PSTPIP2: variants seen among roughly 807,000 people sequenced by gnomAD.
PSTPIP2 encodes the protein proline-serine-threonine phosphatase interacting protein 2.
A neutral mutation model predicts 63.3 loss-of-function variants in PSTPIP2; 33 were observed. The observed-to-expected ratio is 0.52, with a 90% CI of 0.40 to 0.70. The LOEUF (loss-of-function observed/expected upper bound fraction) is 0.70, where lower values mean the gene tolerates loss of function less well. PSTPIP2 is among the 30% of genes least tolerant of loss of function. The pLI, the probability that PSTPIP2 is intolerant of heterozygous loss-of-function variation, is 0.00. For missense variants in PSTPIP2, 312 were observed against 400.7 expected (o/e 0.78, Z 1.89); for synonymous variants, 125 against 132.7 (o/e 0.94, Z 0.40).
intron 3 of PSTPIP2, among the ~76,000 whole-genome samples, chr18:46,017,357 T>G (rs1251548719): frequency 1.3e-5 from 2 of 152,216 alleles, no homozygotes; most frequent in African/African-American, 4.8e-5. Flanking sequence ...TCAGTTTGAC[T>G]ATTCTTGTGT....
At chr18:46,052,403 A>T (rs548503714) in intron 1 of PSTPIP2, among the ~76,000 whole-genome samples, 1 of 152,312 alleles carries the variant, frequency 6.6e-6, no homozygotes. Flanking sequence ...CCAGATAAGC[A>T]AAGTACAACA....
chr18:46,061,407 A>C (rs773905710), intron 1 of PSTPIP2, among the ~76,000 whole-genome samples: 7 of 152,150 alleles, frequency 4.6e-5, no homozygotes, highest in Non-Finnish European at 7.4e-5. Flanking sequence ...GATGAGATGG[A>C]GATTCGGAGG....
chr18:46,035,946 G>C (rs189919503), intron 2 of PSTPIP2, among the ~76,000 whole-genome samples: 69 of 152,252 alleles, frequency 4.5e-4, no homozygotes, highest in African/African-American at 1.7e-3. Flanking sequence ...TAGCTATTCA[G>C]ATGTTGGCTG....
intron 2 of PSTPIP2, among the ~76,000 whole-genome samples, chr18:46,032,813 C>G (rs1907832629): frequency 6.9e-6 from 1 of 145,672 alleles, no homozygotes; most frequent in African/African-American, 2.5e-5. Flanking sequence ...AGAAAAACAA[C>G]CCATGACAAA....
intron 5 of PSTPIP2, chr18:46,010,969 C>T: frequency 2.0e-6 from 1 of 506,982 alleles, no homozygotes; most frequent in Non-Finnish European, 3.5e-6. Flanking sequence ...ACCTCTGAAT[C>T]CTATGTGAAC....
intron 7 of PSTPIP2, 39 bp downstream of exon 7, chr18:45,999,397 C>A: frequency 6.3e-7 from 1 of 1,582,232 alleles, no homozygotes; most frequent in South Asian, 1.1e-5. Flanking sequence ...TGACATAGGT[C>A]AGTCTCAGAT....
chr18:46,035,768 C>T (rs902560004), intron 2 of PSTPIP2, among the ~76,000 whole-genome samples: 2 of 152,166 alleles, frequency 1.3e-5, no homozygotes, highest in African/African-American at 4.8e-5. Context: ...ATGAGACCCC[C>T]ATCCTCACCA....
In PSTPIP2 at chr18:46,005,151, C is replaced by T. The variant is rs564846414; in HGVS notation, c.417+318G>A. Reference sequence around the variant, plus strand: ...ACATGTTCTCACTTATAAGTGGGAGCTAAATGATAAGAACTTATGAATATA... The same window carrying T: ...ACATGTTCTCACTTATAAGTGGGAGTTAAATGATAAGAACTTATGAATATA... On this transcript the variant is annotated intron_variant, in intron 6 of 14. Transcript: ENST00000409746. 3.9e-5 allele frequency among the ~76,000 whole-genome samples: 6 copies of T among 152,018 alleles called. No homozygotes were observed. In the South Asian group the frequency reaches 1.2e-3, roughly 32 times the overall value.
chr18:46,067,933 T>C (rs1909252584), intron 1 of PSTPIP2, among the ~76,000 whole-genome samples: 1 of 152,158 alleles, frequency 6.6e-6, no homozygotes, highest in South Asian at 2.1e-4. Flanking sequence ...ATCTAAACAT[T>C]GTACAAAATA....
chr18:46,029,971 A>G (rs2144101748), intron 2 of PSTPIP2: 1 of 226,892 alleles, frequency 4.4e-6, no homozygotes, highest in Non-Finnish European at 8.8e-6. Flanking sequence ...AAAATTGGCC[A>G]GGTGTGGTGG....
At chr18:46,030,537 C>A (rs1216797142) in intron 2 of PSTPIP2, among the ~76,000 whole-genome samples, 2 of 152,164 alleles carry the variant, frequency 1.3e-5, no homozygotes, top group African/African-American at 4.8e-5. Flanking sequence ...ATATTCTGTT[C>A]TCCAATCATA....
intron 1 of PSTPIP2, 45 bp from the exon 2 acceptor site, chr18:46,040,092 C>T (rs1413828077): frequency 3.5e-6 from 5 of 1,437,410 alleles, no homozygotes; most frequent in Admixed American, 2.1e-5. Context: ...CAGAAGGCAG[C>T]CCCCAAGGCC....
At chr18:46,070,633 C>G (rs1446086574) in intron 1 of PSTPIP2, among the ~76,000 whole-genome samples, 1 of 152,184 alleles carries the variant, frequency 6.6e-6, no homozygotes, top group Non-Finnish European at 1.5e-5. Context: ...CTTGCCTCAG[C>G]CTCCCAAGTA....
intron 2 of PSTPIP2, among the ~76,000 whole-genome samples, chr18:46,034,709 C>T (rs1007815082): frequency 2.6e-5 from 4 of 152,130 alleles, no homozygotes; most frequent in African/African-American, 4.8e-5. Context: ...GGTTTGAAAC[C>T]GTATCTACCG....
chr18:46,040,958 G>A (rs768380511), intron 1 of PSTPIP2: 27 of 455,236 alleles, frequency 5.9e-5, no homozygotes, highest in East Asian at 2.8e-4. Flanking sequence ...TCATACTGCC[G>A]GATGGAAACT....
At chr18:46,019,547 T>TCA (rs2144091038) in intron 3 of PSTPIP2, among the ~76,000 whole-genome samples, 1 of 152,278 alleles carries the variant, frequency 6.6e-6, no homozygotes, top group South Asian at 2.1e-4. Context: ...ACCCCTGTAA[T>TCA]CCCAGCACGT....
At chr18:46,022,530 T>C (rs1432130344) in intron 3 of PSTPIP2, among the ~76,000 whole-genome samples, 1 of 152,146 alleles carries the variant, frequency 6.6e-6, no homozygotes, top group African/African-American at 2.4e-5. Context: ...ATCTAGAAAT[T>C]TCCAAATGAG....
chr18:46,031,048 A>G (rs1191497112), intron 2 of PSTPIP2, among the ~76,000 whole-genome samples: 2 of 152,204 alleles, frequency 1.3e-5, no homozygotes, highest in Non-Finnish European at 2.9e-5. Flanking sequence ...TTCCTGGTTC[A>G]TAGTGTGCCC....
intron 2 of PSTPIP2, chr18:46,029,886 G>A (rs546801334): frequency 2.4e-4 from 72 of 300,466 alleles, no homozygotes; most frequent in African/African-American, 1.5e-3. Context: ...AGGCCGAGGC[G>A]GGTGGATCAC....
Sources: gnomAD v4.1 joint callset for allele counts (sites outside exome capture counted in the v4.1 genomes callset) on GRCh38, gnomAD v4.1.1 for gene constraint, MANE v1.5 for transcripts, NCBI Gene and HGNC (gene_info 2026-07-23, HGNC 2026-07-21) for gene names.